CDKAL1: variants seen among roughly 807,000 people sequenced by gnomAD.
The protein encoded by CDKAL1 is CDKAL1 threonylcarbamoyladenosine tRNA methylthiotransferase.
Under a neutral mutation model 68.2 loss-of-function variants are expected in CDKAL1, and 32 were observed. That is an observed-to-expected ratio of 0.47 (90% CI 0.35 to 0.63). CDKAL1 has a LOEUF of 0.63. Ranked by LOEUF, CDKAL1 falls within the 30% of genes least tolerant of loss-of-function variation. The pLI is 0.00. For missense variants in CDKAL1, 606 were observed against 696.7 expected (o/e 0.87, Z 1.47); for synonymous variants, 234 against 244.3 (o/e 0.96, Z 0.39).
At chr6:21,039,162 G>A (rs1014869552) in intron 11 of CDKAL1, among the ~76,000 whole-genome samples, 12 of 152,168 alleles carry the variant, frequency 7.9e-5, no homozygotes, top group Admixed American at 2.0e-4. Context: ...CAGATCAGCT[G>A]TGTTATTACA....
At chr6:20,709,979 C>G (rs866087169) in intron 5 of CDKAL1, among the ~76,000 whole-genome samples, 1 of 152,068 alleles carries the variant, frequency 6.6e-6, no homozygotes, top group Non-Finnish European at 1.5e-5. Flanking sequence ...GAGTAATCAT[C>G]GAGAGTGAAA....
chr6:20,841,596 A>G (rs953452794), intron 8 of CDKAL1, among the ~76,000 whole-genome samples: 2 of 152,184 alleles, frequency 1.3e-5, no homozygotes, highest in African/African-American at 4.8e-5. Context: ...AAAATATTCT[A>G]CCATAGGTGT....
At chr6:20,828,659 A>C in intron 8 of CDKAL1, among the ~76,000 whole-genome samples, 1 of 152,212 alleles carries the variant, frequency 6.6e-6, no homozygotes, top group East Asian at 1.9e-4. Context: ...CTTTTATGAT[A>C]GATTAGCATT....
chr6:20,652,534 A>T (rs9295475), intron 5 of CDKAL1, among the ~76,000 whole-genome samples: 3 of 151,912 alleles, frequency 2.0e-5, no homozygotes, highest in African/African-American at 7.3e-5. Flanking sequence ...TCCTCATTCC[A>T]TATTTCCAAC....
chr6:20,846,963 T>C (rs2150496080), intron 9 of CDKAL1, among the ~76,000 whole-genome samples: 1 of 152,356 alleles, frequency 6.6e-6, no homozygotes, highest in Non-Finnish European at 1.5e-5. Context: ...ATTGGCAATG[T>C]ACTTTTCTTT....
chr6:20,990,658 T>A (rs1043829183), intron 10 of CDKAL1, among the ~76,000 whole-genome samples: 1 of 152,232 alleles, frequency 6.6e-6, no homozygotes, highest in Non-Finnish European at 1.5e-5. Context: ...CACTTTCTGA[T>A]GCGATTAATG....
chr6:20,914,368 C>A (rs528236879), intron 9 of CDKAL1, among the ~76,000 whole-genome samples: 2 of 152,280 alleles, frequency 1.3e-5, no homozygotes, highest in African/African-American at 4.8e-5. Flanking sequence ...TGTCCACTCT[C>A]TCTAAAATGC....
intron 4 of CDKAL1, among the ~76,000 whole-genome samples, chr6:20,644,143 T>A (rs556789760): frequency 6.6e-5 from 10 of 152,040 alleles, no homozygotes; most frequent in Non-Finnish European, 1.2e-4. Flanking sequence ...TGCTTTTTTT[T>A]TTTTTTTAAT....
At chr6:20,647,555 A>G (rs1411740019) in intron 4 of CDKAL1, among the ~76,000 whole-genome samples, 3 of 152,114 alleles carry the variant, frequency 2.0e-5, no homozygotes, top group Non-Finnish European at 4.4e-5. Context: ...TAGTAAAGAC[A>G]GGCCAAAAAA....
chr6:21,206,592 GT>G (rs1227230339), intron 15 of CDKAL1, among the ~76,000 whole-genome samples: 1 of 151,948 alleles, frequency 6.6e-6, no homozygotes, highest in African/African-American at 2.4e-5. Flanking sequence ...TGATTGCAAA[GT>G]TTTTTTTCAT....
intron 15 of CDKAL1, among the ~76,000 whole-genome samples, chr6:21,208,930 C>T (rs1466515766): frequency 6.6e-6 from 1 of 152,222 alleles, no homozygotes; most frequent in African/African-American, 2.4e-5. Context: ...ATCATCAGAG[C>T]AAGCTGATGC....
At position 20,559,822 on chromosome 6, in the gene CDKAL1, T is replaced by C. The variant is rs1581725679; in HGVS notation, c.286+11117T>C. On this transcript the variant is annotated intron_variant, in intron 4 of 15. Coordinates refer to ENST00000274695, the MANE Select transcript of CDKAL1 (RefSeq NM_017774.3). ...GAAACTTGACATTTGCTTAATTGCTTAATAATTCACATCAGGCTTAGAGAT... is the reference window on the plus strand; with the variant it reads ...GAAACTTGACATTTGCTTAATTGCTCAATAATTCACATCAGGCTTAGAGAT... 2.6e-5 allele frequency: 4 copies of C among 152,338 alleles called. No homozygotes were observed. The East Asian group carries it at 7.7e-4, about 29-fold the overall frequency. 9.4% of individuals were successfully genotyped at this position (152,338 alleles called of 1,614,324 possible).
At chr6:21,138,812 C>A (rs966663519) in intron 13 of CDKAL1, among the ~76,000 whole-genome samples, 1 of 152,140 alleles carries the variant, frequency 6.6e-6, no homozygotes, top group Non-Finnish European at 1.5e-5. Context: ...CTCAGTCAGG[C>A]CCATCTGTAT....
rs539191933 is a variant in CDKAL1 at position 20,700,216 on chromosome 6, A to G, written c.372-39303A>G. Among the ~76,000 whole-genome samples the G allele has an allele frequency of 9.2e-5, 14 of 152,166 alleles. No homozygotes were observed. The East Asian group carries it at 2.7e-3, about 29-fold the overall frequency. ...AAAAAGTTAAACTGATGAGCCAGGC[A>G]TGGTGGCACATGCCTGTAATCCCAG... is the stretch of plus-strand genomic sequence containing the variant. On this transcript the variant is annotated intron_variant, in intron 5 of 15. Coordinates refer to ENST00000274695, the MANE Select transcript of CDKAL1 (RefSeq NM_017774.3).
At chr6:21,030,912 G>T (rs1367579842) in intron 11 of CDKAL1, among the ~76,000 whole-genome samples, 5 of 152,126 alleles carry the variant, frequency 3.3e-5, no homozygotes, top group Non-Finnish European at 7.4e-5. Context: ...GGGTGCTGGT[G>T]CATGTCTCTT....
intron 4 of CDKAL1, among the ~76,000 whole-genome samples, chr6:20,577,052 A>G (rs1356305302): frequency 6.6e-6 from 1 of 152,096 alleles, no homozygotes; most frequent in Non-Finnish European, 1.5e-5. Flanking sequence ...TCAGGCCTCC[A>G]TACACTCCTA....
intron 4 of CDKAL1, among the ~76,000 whole-genome samples, chr6:20,610,852 GTC>G (rs1766587997): frequency 6.6e-6 from 1 of 152,188 alleles, no homozygotes; most frequent in Admixed American, 6.5e-5. Context: ...GTTGGAATGA[GTC>G]TAGTTTTTGA....
intron 9 of CDKAL1, among the ~76,000 whole-genome samples, chr6:20,856,120 G>A (rs949044746): frequency 2.0e-5 from 3 of 152,172 alleles, no homozygotes; most frequent in African/African-American, 2.4e-5. Context: ...AGAGCCATGC[G>A]TCTCTGCTCA....
At position 21,043,363 on chromosome 6, in the gene CDKAL1, G is replaced by A. The variant is rs7756338; in HGVS notation, c.1056-21685G>A. ...TGTGTGTGTTTGTGTGTGTGTGTGT[G>A]TGTATAAATGATTCAGTATGAGGGG... On this transcript the variant is annotated intron_variant, in intron 11 of 15. Transcript: ENST00000274695. Among the ~76,000 whole-genome samples, 1,428 of 152,038 alleles carry A rather than the reference G, an allele frequency of 9.4e-3. 24 individuals carry two copies. Among genetic ancestry groups the A allele is most frequent in the African/African-American group, 0.033 (1,357 of 41,486 alleles).
Sources: allele counts gnomAD v4.1 joint callset (sites outside exome capture counted in the v4.1 genomes callset), GRCh38; gene constraint gnomAD v4.1.1; transcripts MANE v1.5; gene names NCBI Gene and HGNC (gene_info 2026-07-23, HGNC 2026-07-21).